SYNE1: variants seen among roughly 807,000 people sequenced by gnomAD.
SYNE1 encodes spectrin repeat containing nuclear envelope protein 1, also known as nesprin-1.
In SYNE1, 616 loss-of-function variants were observed where a neutral mutation model predicts 1,111.0. The observed-to-expected ratio is 0.55, with a 90% CI of 0.52 to 0.59. The LOEUF (loss-of-function observed/expected upper bound fraction) is 0.59. Ranked by LOEUF, SYNE1 falls within the 20% of genes least tolerant of loss-of-function variation. The pLI is 0.00. For missense variants in SYNE1, 10,006 were observed against 10,417.0 expected, an observed-to-expected ratio of 0.96 and a Z score of 1.72; for synonymous variants, 3,855 against 3,825.8, an observed-to-expected ratio of 1.01 and a Z score of -0.28.
chr6:152,414,459 TAC>T (rs2098121599), intron 41 of SYNE1, among the ~76,000 whole-genome samples: 1 of 152,118 alleles, frequency 6.6e-6, no homozygotes, highest in South Asian at 2.1e-4. Context: ...TCTTCATTCT[TAC>T]AGTTTGGTAT....
At chr6:152,570,800 T>A (rs1448494953) in intron 3 of SYNE1, among the ~76,000 whole-genome samples, 1 of 152,218 alleles carries the variant, frequency 6.6e-6, no homozygotes, top group African/African-American at 2.4e-5. Flanking sequence ...GTAAGAAGTC[T>A]TTCTTTTGTA....
intron 8 of SYNE1, among the ~76,000 whole-genome samples, chr6:152,509,249 T>A (rs1456622046): frequency 8.4e-3 from 15 of 1,778 alleles, no homozygotes; most frequent in Admixed American, 0.022. Context: ...TTTCTTTTTC[T>A]TTTTTTTTTT....
intron 10 of SYNE1, among the ~76,000 whole-genome samples, chr6:152,502,185 T>G (rs2099033471): frequency 2.0e-5 from 3 of 152,146 alleles, no homozygotes; most frequent in Admixed American, 2.0e-4. Context: ...AGTGAATAAT[T>G]AGAACTTTTA....
At position 152,310,789 on chromosome 6, in the gene SYNE1, T is replaced by C; in HGVS notation, c.16795A>G (p.Thr5599Ala). The C allele has an allele frequency of 6.2e-7, 1 of 1,614,196 alleles. No homozygotes were observed. The highest frequency in any genetic ancestry group is 8.5e-7 in the Non-Finnish European group (1 of 1,180,040). Residue 5599 changes from threonine (T) to alanine (A), a missense_variant, in exon 88 of 146, where the codon ACA becomes GCA. By Grantham distance (58) the Thr-to-Ala change is moderately conservative. Around this residue, in one of 7 missense-constraint regions of SYNE1, gnomAD observed 4,955 missense variants for 5,017.2 expected, o/e 0.99. Transcript: ENST00000367255. ...KLQYLTSVYC[T>A]EKMSQQVAEL... is the part of the protein sequence containing the mutation. ...GCCACTTGCTGAGACATTTTTTCTG[T>C]ACAGTACACGCTAGTGAGGTACTGT...
At chr6:152,536,780 T>A (rs112524669) in intron 4 of SYNE1, among the ~76,000 whole-genome samples, 6 of 152,056 alleles carry the variant, frequency 3.9e-5, no homozygotes, top group Non-Finnish European at 7.4e-5. Flanking sequence ...CTCAGTTCTA[T>A]CAAGTCCACT....
intron 134 of SYNE1, 76 bp from the exon 135 acceptor site, chr6:152,151,766 A>T: frequency 6.4e-7 from 1 of 1,559,452 alleles, no homozygotes; most frequent in Non-Finnish European, 8.7e-7. Context: ...GGCACAGCGA[A>T]TTCCAGTGTT....
intron 26 of SYNE1, 22 bp from the exon 27 acceptor site, chr6:152,450,855 T>G (rs773110750): frequency 1.2e-6 from 2 of 1,612,530 alleles, no homozygotes; most frequent in East Asian, 4.5e-5. Flanking sequence ...TAAATGTTTT[T>G]ATAATCCCTG....
rs772558150 is a variant in SYNE1, at chr6:152,255,774, A to C, written c.19105-28T>G. ...GGGAAACACAAAACAGGGTCAAATA[A>C]TCAATTTCAGTGTTTTGAAAATCCA... On this transcript the variant is annotated intron_variant, in intron 102 of 145. Coordinates refer to ENST00000367255, the MANE Select transcript of SYNE1 (RefSeq NM_182961.4). 4.3e-6 allele frequency: 7 copies of C among 1,613,760 alleles called. No homozygotes were observed. The South Asian group carries it at 7.7e-5, about 18-fold the overall frequency.
chr6:152,167,827 G>T (rs774061309), intron 130 of SYNE1: 1 of 624,018 alleles, frequency 1.6e-6, no homozygotes, highest in South Asian at 1.4e-5. Context: ...CTCTACTCTA[G>T]CCATACTCCT....
At chr6:152,281,690 G>C (rs2094036813) in intron 97 of SYNE1, 117 bp downstream of exon 97, 1 of 1,089,934 alleles carries the variant, frequency 9.2e-7, no homozygotes, top group African/African-American at 1.6e-5. Flanking sequence ...AATGTATAAA[G>C]TCTATGGGTT....
At chr6:152,334,303 A>G in intron 76 of SYNE1, 30 bp from the exon 77 acceptor site, 2 of 1,610,626 alleles carry the variant, frequency 1.2e-6, no homozygotes, top group Non-Finnish European at 1.7e-6. Context: ...AAAAATATGT[A>G]ATGTGTTAAG....
intron 107 of SYNE1, 113 bp from the exon 108 acceptor site, chr6:152,239,819 G>A: frequency 8.6e-7 from 1 of 1,158,184 alleles, no homozygotes; most frequent in Non-Finnish European, 1.3e-6. Context: ...AACAGTTGGG[G>A]AGGCTGAAGT....
intron 100 of SYNE1, among the ~76,000 whole-genome samples, chr6:152,263,728 G>A (rs1255991852): frequency 6.6e-6 from 1 of 151,858 alleles, no homozygotes; most frequent in African/African-American, 2.4e-5. Flanking sequence ...GACAGACCTG[G>A]ATTATGACCC....
In SYNE1 at chr6:152,242,332, G is replaced by C; in HGVS notation, c.19801C>G (p.Leu6601Val). The C allele has an allele frequency of 6.2e-7, 1 of 1,613,986 alleles. No homozygotes were observed. Among genetic ancestry groups the C allele is most frequent in the Non-Finnish European group, 8.5e-7 (1 of 1,179,996 alleles). ...ATCTTCTCCTGACCAGTTTCTAGCA[G>C]GTCAGCCAGATCTTGTAGGGCCCTC... Reference protein sequence around the residue: ...YERALQDLADLLETGQEKMAG... With the variant: ...YERALQDLADVLETGQEKMAG... The change falls in exon 107 of 146, where the codon CTG (leucine) becomes GTG (valine). Residue 6601 changes from leucine to valine, a missense_variant. Physicochemically the swap from Leu to Val is conservative, Grantham distance 32 (BLOSUM62 1). This residue lies in a region of SYNE1 where 2,182 missense variants were observed against 2,287.8 expected (regional missense o/e 0.95). Coordinates refer to ENST00000367255, the MANE Select transcript of SYNE1 (RefSeq NM_182961.4).
At chr6:152,403,689 TC>T (rs2097852769) in intron 46 of SYNE1, among the ~76,000 whole-genome samples, 1 of 152,062 alleles carries the variant, frequency 6.6e-6, no homozygotes, top group African/African-American at 2.4e-5. Flanking sequence ...ACCACTGCAC[TC>T]CACCCTGGGT....
Position 152,463,464 on chromosome 6 carries a change from A to G in SYNE1, c.1986T>C (p.Asp662=), listed in dbSNP as rs754185293. The G allele has an allele frequency of 6.2e-7, 1 of 1,613,768 alleles. No homozygotes were observed. Among genetic ancestry groups the G allele is most frequent in the Non-Finnish European group, 8.5e-7 (1 of 1,179,754 alleles). Residue 662 remains aspartate, a synonymous_variant, in exon 19 of 146, where the codon GAT becomes GAC. Coordinates refer to ENST00000367255, the MANE Select transcript of SYNE1 (RefSeq NM_182961.4). ...HWIQQHTAMN[D]AGNFLIETCD... ...AGGTTTCAATTAGAAAATTGCCAGC[A>G]TCGTTCATGGCAGTATGCTGCTGAA...
rs939566472 is a variant in SYNE1 at position 152,609,853 on chromosome 6, G to A, written c.67+18412C>T. ...TCTGCTGGTAAAACCCAAGCAAACA[G>A]GGTCTGGAGTGGACCTCCAGCAAAC... On this transcript the variant is annotated intron_variant, in intron 3 of 145. Transcript: ENST00000367255. Among the ~76,000 whole-genome samples, 6 of 152,192 alleles carry A rather than the reference G, an allele frequency of 3.9e-5. No homozygotes were observed. In the East Asian group the frequency reaches 9.6e-4, roughly 24 times the overall value.
chr6:152,234,776 T>C lies in SYNE1; in HGVS notation c.20421A>G (p.Leu6807=), dbSNP rs886042891. The change falls in exon 111 of 146, where the codon CTA becomes CTG. Residue 6807 remains leucine (L), a synonymous_variant. Transcript: ENST00000367255. ...WTRYQSESAD[L]IHWLQSAKDR... ...CTTTTGCAGATTGTAACCAGTGAAT[T>C]AGATCTGCAGATTCACTTTGATATC... 9.3e-6 allele frequency: 15 copies of C among 1,614,070 alleles called. No homozygotes were observed. The highest frequency in any genetic ancestry group is 1.3e-5 in the African/African-American group (1 of 74,930).
At chr6:152,594,952 G>A (rs1308077083) in intron 3 of SYNE1, among the ~76,000 whole-genome samples, 1 of 152,068 alleles carries the variant, frequency 6.6e-6, no homozygotes, top group African/African-American at 2.4e-5. Context: ...TTCATTTTCA[G>A]TTCTCATATG....
Sources: allele counts gnomAD v4.1 joint callset (sites outside exome capture counted in the v4.1 genomes callset), GRCh38; gene constraint gnomAD v4.1.1; regional missense constraint gnomAD v4.1.1; transcripts MANE v1.5; gene names NCBI Gene and HGNC (gene_info 2026-07-23, HGNC 2026-07-21).